VAMP3: variants seen among roughly 807,000 people sequenced by gnomAD.
The protein encoded by VAMP3 is vesicle associated membrane protein 3.
A neutral mutation model predicts 18.1 loss-of-function variants in VAMP3; 11 were observed. The observed-to-expected ratio is 0.61, with a 90% CI of 0.38 to 1.00. The LOEUF (loss-of-function observed/expected upper bound fraction) is 1.00, where lower values mean the gene tolerates loss of function less well. Among genes scored for constraint, VAMP3 ranks in the 50% least tolerant of loss-of-function variants. VAMP3 has a pLI of 0.01. For synonymous variants in VAMP3, 49 were observed against 43.1 expected, an observed-to-expected ratio of 1.14 and a Z score of -0.53; for missense variants, 122 against 127.3, an observed-to-expected ratio of 0.96 and a Z score of 0.20.
chr1:7,771,335 T>C lies in VAMP3; in HGVS notation c.-49T>C, dbSNP rs371387536. On this transcript the variant is annotated 5_prime_UTR_variant, in exon 1 of 5. Transcript: ENST00000054666. ...CCTGGCCTCCGGTCCCAACTTCGCT[T>C]CTCTGCTGACCCTCTCTCGTCGCCG... 6,423 of 1,594,188 alleles carry C rather than the reference T, an allele frequency of 4.0e-3. 20 individuals carry two copies. Among genetic ancestry groups the C allele is most frequent in the Non-Finnish European group, 5.1e-3 (5,948 of 1,172,900 alleles).
chr1:7,777,818 C>A (rs697674), intron 3 of VAMP3, among the ~76,000 whole-genome samples: 1 of 152,148 alleles, frequency 6.6e-6, no homozygotes, highest in Non-Finnish European at 1.5e-5. Flanking sequence ...GCCTTGTTTA[C>A]AAGTGACACT....
chr1:7,778,961 T>C (rs967435196), intron 4 of VAMP3, among the ~76,000 whole-genome samples: 3 of 152,186 alleles, frequency 2.0e-5, no homozygotes, highest in Non-Finnish European at 2.9e-5. Flanking sequence ...TTTGGGAGGC[T>C]GAGGCGGGCA....
At position 7,780,906 on chromosome 1, in the gene VAMP3, A is replaced by G. The variant is rs965071348; in HGVS notation, c.*1261A>G. 6 of 152,408 alleles carry G rather than the reference A, an allele frequency of 3.9e-5. No homozygotes were observed. Among genetic ancestry groups the G allele is most frequent in the Non-Finnish European group, 7.3e-5 (5 of 68,048 alleles). 9.4% of individuals were successfully genotyped at this position (152,408 alleles called of 1,614,324 possible). A position where few individuals can be genotyped will look rare whatever the true frequency, so the allele number is the denominator to read the frequency against. ...GAATGCTGGAAGCAGAAACTTTGTC[A>G]TCGGAAAAACTTTTCTTGTATGCAT... On this transcript the variant is annotated 3_prime_UTR_variant, in exon 5 of 5. Transcript: ENST00000054666.
intron 2 of VAMP3, 120 bp downstream of exon 2, chr1:7,773,631 G>C: frequency 3.0e-6 from 3 of 986,450 alleles, no homozygotes; most frequent in Non-Finnish European, 4.5e-6. Context: ...TATCATAATT[G>C]TAACGAAACT....
intron 1 of VAMP3, 175 bp from the exon 2 acceptor site, chr1:7,773,267 T>C: frequency 8.5e-6 from 5 of 589,490 alleles, no homozygotes; most frequent in Non-Finnish European, 1.5e-5. Flanking sequence ...TATAGAGAAA[T>C]TAGAAGAAAT....
intron 1 of VAMP3, chr1:7,772,999 G>A (rs1293105817): frequency 6.5e-6 from 1 of 153,898 alleles, no homozygotes; most frequent in African/African-American, 2.4e-5. Flanking sequence ...TCCTGACTCT[G>A]TTTCTGTAAA....
At chr1:7,778,043 A>G (rs1212309704) in intron 3 of VAMP3, 75 bp from the exon 4 acceptor site, 51 of 1,482,766 alleles carry the variant, frequency 3.4e-5, no homozygotes, top group Non-Finnish European at 4.4e-5. Flanking sequence ...GACTAGATGA[A>G]TATTATATAA....
In VAMP3 at chr1:7,779,884, C is replaced by G. The variant is rs697678; in HGVS notation, c.*239C>G. 1 of 529,986 alleles carries G rather than the reference C, an allele frequency of 1.9e-6. No homozygotes were observed. 32.8% of individuals were successfully genotyped at this position (529,986 alleles called of 1,614,324 possible). On this transcript the variant is annotated 3_prime_UTR_variant, in exon 5 of 5. Transcript: ENST00000054666. ...ATTTACGTATGGGCTGATGAAGAGG[C>G]CTTCTTAAGTTCCAGAGTGCTATAA...
At chr1:7,773,835 T>C (rs528928701) in intron 2 of VAMP3, among the ~76,000 whole-genome samples, 2 of 152,344 alleles carry the variant, frequency 1.3e-5, no homozygotes, top group East Asian at 3.9e-4. Context: ...GATAATACAA[T>C]GTTAAGGATT....
chr1:7,772,512 C>T (rs980640157), intron 1 of VAMP3, among the ~76,000 whole-genome samples: 4 of 152,160 alleles, frequency 2.6e-5, no homozygotes, highest in African/African-American at 2.4e-5. Flanking sequence ...AGTAATGGAG[C>T]CAATAATGAC....
At chr1:7,773,184 C>G (rs1311386959) in intron 1 of VAMP3, 6 of 457,320 alleles carry the variant, frequency 1.3e-5, no homozygotes, top group Non-Finnish European at 2.4e-5. Flanking sequence ...GGATCAGATA[C>G]TTCAGGGATA....
At chr1:7,777,479 C>A (rs2097054859) in intron 3 of VAMP3, among the ~76,000 whole-genome samples, 161 bp downstream of exon 3, 1 of 152,168 alleles carries the variant, frequency 6.6e-6, no homozygotes, top group Non-Finnish European at 1.5e-5. Flanking sequence ...TGACTGCATA[C>A]CCTTTCCTAG....
At position 7,779,793 on chromosome 1, in the gene VAMP3, GT is replaced by G; in HGVS notation, c.*154del. 2 of 1,063,478 alleles carry G rather than the reference GT, an allele frequency of 1.9e-6. No homozygotes were observed. The highest frequency in any genetic ancestry group is 1.4e-6 in the Non-Finnish European group (1 of 732,434). 65.9% of individuals were successfully genotyped at this position (1,063,478 alleles called of 1,614,324 possible). A position where few individuals can be genotyped will look rare whatever the true frequency, so the allele number is the denominator to read the frequency against. On this transcript the variant is annotated 3_prime_UTR_variant, in exon 5 of 5. Transcript: ENST00000054666. ...TTGAATTTCTAGGAAACGTGCCTTT[GT>G]TTTTTAATATGCACTCCAAATTAGA...
At position 7,780,048 on chromosome 1, in the gene VAMP3, A is replaced by C. The variant is rs1264088220; in HGVS notation, c.*403A>C. The C allele has an allele frequency of 1.1e-5, 2 of 181,084 alleles. No individual in the cohort carries two copies. The highest frequency in any genetic ancestry group is 1.6e-4 in the East Asian group (1 of 6,080). 11.2% of individuals were successfully genotyped at this position (181,084 alleles called of 1,614,324 possible). On this transcript the variant is annotated 3_prime_UTR_variant, in exon 5 of 5. Coordinates refer to ENST00000054666, the MANE Select transcript of VAMP3 (RefSeq NM_004781.4). The stretch of plus-strand genomic sequence containing the variant: ...CTTATGCCTTCCAGAAAAAAACACT[A>C]CTGCCTAACACAAATCTGTGATAAC...
rs1239632181 is a variant in VAMP3 at position 7,780,196 on chromosome 1, A to G, written c.*551A>G. Reference sequence around the variant, plus strand: ...GGTGAAGAGCTTTTGCTCTTGCATTAGATTTGAAGATGTTTACATTGTTGT... The same window carrying G: ...GGTGAAGAGCTTTTGCTCTTGCATTGGATTTGAAGATGTTTACATTGTTGT... On this transcript the variant is annotated 3_prime_UTR_variant, in exon 5 of 5. Coordinates refer to ENST00000054666, the MANE Select transcript of VAMP3 (RefSeq NM_004781.4). 1 of 153,138 alleles carries G rather than the reference A, an allele frequency of 6.5e-6. No homozygotes were observed. The highest frequency in any genetic ancestry group is 6.5e-5 in the Admixed American group (1 of 15,300). The allele number at this position is 153,138 out of a possible 1,614,324, so 9.5% of individuals were successfully genotyped here.
intron 4 of VAMP3, 121 bp downstream of exon 4, chr1:7,778,290 C>T (rs182108146): frequency 2.4e-5 from 29 of 1,222,498 alleles, no homozygotes; most frequent in Admixed American, 3.5e-5. Flanking sequence ...TGGCTAGGTG[C>T]GGTGACTCAT....
rs1290087866 is a variant in VAMP3 at position 7,771,355 on chromosome 1, TCGCCGCTGCCGC to T, written c.-22_-11del. The T allele has an allele frequency of 1.3e-6, 2 of 1,592,626 alleles. No individual in the cohort carries two copies. The highest frequency in any genetic ancestry group is 1.7e-6 in the Non-Finnish European group (2 of 1,172,528). Reference sequence around the variant, plus strand: ...TCGCTTCTCTGCTGACCCTCTCTCGTCGCCGCTGCCGCCGCCGCAGCTGCCAAAATGTGAGTG... The same window carrying T: ...TCGCTTCTCTGCTGACCCTCTCTCGTCGCCGCAGCTGCCAAAATGTGAGTG... On this transcript the variant is annotated 5_prime_UTR_variant, in exon 1 of 5. Coordinates refer to ENST00000054666, the MANE Select transcript of VAMP3 (RefSeq NM_004781.4).
intron 1 of VAMP3, 118 bp downstream of exon 1, chr1:7,771,503 G>A: frequency 7.8e-7 from 1 of 1,289,888 alleles, no homozygotes; most frequent in Non-Finnish European, 1.0e-6. Flanking sequence ...GGGGCTGCGC[G>A]GGGATCCCGA....
At chr1:7,773,148 A>C (rs747213912) in intron 1 of VAMP3, 1 of 330,356 alleles carries the variant, frequency 3.0e-6, no homozygotes, top group Non-Finnish European at 5.6e-6. Flanking sequence ...AGTTTCAAAA[A>C]AGGACAGTAG....
Sources: allele counts gnomAD v4.1 joint callset (sites outside exome capture counted in the v4.1 genomes callset), GRCh38; gene constraint gnomAD v4.1.1; transcripts MANE v1.5; gene names NCBI Gene and HGNC (gene_info 2026-07-23, HGNC 2026-07-21).